The following PAX5 variants were observed in gnomAD, a reference collection of about 807,000 sequenced individuals.
PAX5 encodes the protein paired box 5.
Under a neutral mutation model 43.7 loss-of-function variants are expected in PAX5, and 9 were observed. The ratio of observed to expected loss-of-function variants is 0.21; its 90% CI spans 0.12 to 0.36. The LOEUF (loss-of-function observed/expected upper bound fraction) is 0.36, where lower values mean the gene tolerates loss of function less well. PAX5 is among the 10% of genes least tolerant of loss of function. The pLI, the probability that PAX5 is intolerant of heterozygous loss-of-function variation, is 1.00. For synonymous variants in PAX5, 228 were observed against 214.3 expected, an observed-to-expected ratio of 1.06 and a Z score of -0.56; for missense variants, 383 against 532.7, an observed-to-expected ratio of 0.72 and a Z score of 2.77.
intron 1 of PAX5, among the ~76,000 whole-genome samples, chr9:37,028,706 C>T (rs1436971980): frequency 6.6e-6 from 1 of 152,182 alleles, no homozygotes; most frequent in East Asian, 1.9e-4. Flanking sequence ...GTCCCTGAAG[C>T]GGGCGGGTGG....
Position 37,020,391 on chromosome 9 carries a change from T to C in PAX5, c.212+245A>G, listed in dbSNP as rs2297106. 0.022 allele frequency among the ~76,000 whole-genome samples: 3,394 copies of C among 152,272 alleles called. 72 individuals carry two copies. Among genetic ancestry groups the C allele is most frequent in the East Asian group, 0.08 (413 of 5,184 alleles). On this transcript the variant is annotated intron_variant, in intron 2 of 9. Transcript: ENST00000358127. ...CTTACTCTTGAGTTCTTTAGAACAA[T>C]TCACCAGGCTTTCAGAAAACATGTC...
intron 7 of PAX5, among the ~76,000 whole-genome samples, chr9:36,884,070 T>C (rs1311977402): frequency 6.6e-6 from 1 of 152,222 alleles, no homozygotes; most frequent in Non-Finnish European, 1.5e-5. Context: ...GCAAGTTCTT[T>C]AAACCTTCAA....
chr9:36,871,696 G>A (rs1825508780), intron 8 of PAX5, among the ~76,000 whole-genome samples: 1 of 152,210 alleles, frequency 6.6e-6, no homozygotes, highest in African/African-American at 2.4e-5. Flanking sequence ...CTCATGACCA[G>A]GTTGGTGCAG....
chr9:37,033,363 T>C (rs975600970), intron 1 of PAX5, among the ~76,000 whole-genome samples: 18 of 152,186 alleles, frequency 1.2e-4, no homozygotes, highest in African/African-American at 4.1e-4. Flanking sequence ...CGTGTATGCA[T>C]CGGACAGCCG....
At chr9:36,997,324 G>A (rs1337319088) in intron 5 of PAX5, among the ~76,000 whole-genome samples, 1 of 152,214 alleles carries the variant, frequency 6.6e-6, no homozygotes, top group Non-Finnish European at 1.5e-5. Context: ...GGCTGGACAG[G>A]TCAGCTTTCT....
At chr9:36,891,363 G>A (rs1827360940) in intron 7 of PAX5, among the ~76,000 whole-genome samples, 1 of 152,234 alleles carries the variant, frequency 6.6e-6, no homozygotes, top group African/African-American at 2.4e-5. Flanking sequence ...CAATACCCAG[G>A]ACGTGGGGCG....
At chr9:36,933,231 C>T (rs1022522387) in intron 6 of PAX5, among the ~76,000 whole-genome samples, 4 of 152,014 alleles carry the variant, frequency 2.6e-5, no homozygotes, top group Non-Finnish European at 5.9e-5. Flanking sequence ...CTCATGGCAC[C>T]GCCTGTCACC....
intron 5 of PAX5, among the ~76,000 whole-genome samples, chr9:36,992,621 G>A (rs530399021): frequency 5.9e-5 from 9 of 152,322 alleles, no homozygotes; most frequent in African/African-American, 2.2e-4. Flanking sequence ...ATCCCAATCG[G>A]CTAGTGGAGG....
chr9:36,940,679 G>T (rs1249175906), intron 6 of PAX5, among the ~76,000 whole-genome samples: 1 of 151,922 alleles, frequency 6.6e-6, no homozygotes. Flanking sequence ...GGAGAAGGCA[G>T]GGCTCTCAGT....
rs146148292 is a variant in PAX5 at position 36,878,437 on chromosome 9, G to C, written c.1012+3567C>G. Among the ~76,000 whole-genome samples the C allele has an allele frequency of 3.0e-3, 456 of 152,312 alleles. 5 individuals carry two copies. The highest frequency in any genetic ancestry group is 9.5e-3 in the African/African-American group (396 of 41,570). ...CAGGCACAAGCATCTTCCCCCAGAG[G>C]GGGGGCCATCTGGGAAGGCTTTTCT... is the stretch of plus-strand genomic sequence containing the variant. On this transcript the variant is annotated intron_variant, in intron 8 of 9. Coordinates refer to ENST00000358127, the MANE Select transcript of PAX5 (RefSeq NM_016734.3).
chr9:36,932,844 C>T (rs746319062), intron 6 of PAX5, among the ~76,000 whole-genome samples: 6 of 151,970 alleles, frequency 3.9e-5, no homozygotes, highest in Non-Finnish European at 8.8e-5. Flanking sequence ...TAAATTACTC[C>T]AAGTCTACTT....
chr9:36,977,038 C>T (rs1245853408), intron 5 of PAX5, among the ~76,000 whole-genome samples: 2 of 152,178 alleles, frequency 1.3e-5, no homozygotes, highest in East Asian at 1.9e-4. Context: ...GCCCCGTCCC[C>T]TACTGGAGGA....
At position 36,906,047 on chromosome 9, in the gene PAX5, C is replaced by T. The variant is rs557903248; in HGVS notation, c.910+17308G>A. Among the ~76,000 whole-genome samples the T allele has an allele frequency of 4.6e-5, 7 of 152,226 alleles. No homozygotes were observed. The South Asian group carries it at 1.5e-3, about 32-fold the overall frequency. ...GCAGAAACGGAGCAAAAGAGGTGCC[C>T]AGTGCCCTCACAGATGATGGGTCAT... On this transcript the variant is annotated intron_variant, in intron 7 of 9. Transcript: ENST00000358127.
chr9:37,006,638 G>C (rs1838415151), intron 3 of PAX5, 101 bp from the exon 4 acceptor site: 1 of 936,178 alleles, frequency 1.1e-6, no homozygotes, highest in East Asian at 2.4e-5. Flanking sequence ...ACCCAAGCTG[G>C]GCCATGGTTC....
intron 6 of PAX5, among the ~76,000 whole-genome samples, chr9:36,933,564 G>C (rs1831305116): frequency 6.6e-6 from 1 of 152,158 alleles, no homozygotes; most frequent in Non-Finnish European, 1.5e-5. Flanking sequence ...CCCCTACCTG[G>C]AAGCAGAGTT....
intron 6 of PAX5, among the ~76,000 whole-genome samples, chr9:36,956,068 T>C (rs1833450374): frequency 6.6e-6 from 1 of 152,256 alleles, no homozygotes; most frequent in East Asian, 1.9e-4. Context: ...TTGTCTTTTT[T>C]TTGAATTGCA....
chr9:36,857,482 C>T (rs541464396), intron 8 of PAX5, among the ~76,000 whole-genome samples: 1 of 152,158 alleles, frequency 6.6e-6, no homozygotes, highest in South Asian at 2.1e-4. Context: ...GATTCTTAGA[C>T]CCAAAACTAG....
intron 1 of PAX5, among the ~76,000 whole-genome samples, chr9:37,027,955 G>T (rs1588275021): frequency 6.6e-6 from 1 of 152,240 alleles, no homozygotes; most frequent in African/African-American, 2.4e-5. Context: ...AGTGGATCGC[G>T]GCTGTGGGGA....
chr9:36,855,634 C>T (rs776231640), intron 8 of PAX5, among the ~76,000 whole-genome samples: 1 of 152,144 alleles, frequency 6.6e-6, no homozygotes, highest in Non-Finnish European at 1.5e-5. Flanking sequence ...GATCAACACC[C>T]CAGACGCCGC....
Sources: allele counts gnomAD v4.1 joint callset (sites outside exome capture counted in the v4.1 genomes callset), GRCh38; gene constraint gnomAD v4.1.1; transcripts MANE v1.5; gene names NCBI Gene and HGNC (gene_info 2026-07-23, HGNC 2026-07-21).